NRXN3: variants seen among roughly 807,000 people sequenced by gnomAD.
NRXN3 encodes neurexin 3.
In NRXN3, 32 loss-of-function variants were observed where a neutral mutation model predicts 137.6. The ratio of observed to expected loss-of-function variants is 0.23; its 90% CI spans 0.18 to 0.31. NRXN3 has a LOEUF of 0.31. NRXN3 is among the 10% of genes least tolerant of loss of function. The pLI is 1.00. For missense variants in NRXN3, 1,574 were observed against 2,062.5 expected (o/e 0.76, Z 4.59); for synonymous variants, 798 against 784.5 (o/e 1.02, Z -0.29).
At chr14:78,646,450 T>C (rs950272304) in intron 5 of NRXN3, among the ~76,000 whole-genome samples, 4 of 152,204 alleles carry the variant, frequency 2.6e-5, no homozygotes, top group African/African-American at 9.7e-5. Flanking sequence ...TCTGAAGTGC[T>C]TATCAAAAAG....
chr14:78,391,837 T>C (rs888461827), intron 4 of NRXN3, among the ~76,000 whole-genome samples: 1 of 152,206 alleles, frequency 6.6e-6, no homozygotes, highest in Non-Finnish European at 1.5e-5. Flanking sequence ...CATAAAGAAC[T>C]ATTTTCACAA....
intron 1 of NRXN3, among the ~76,000 whole-genome samples, chr14:78,190,497 A>G (rs956445206): frequency 6.6e-6 from 1 of 152,346 alleles, no homozygotes; most frequent in African/African-American, 2.4e-5. Flanking sequence ...GAAGAACATT[A>G]TACAAATGAG....
chr14:78,573,462 C>T (rs762296022), intron 4 of NRXN3, among the ~76,000 whole-genome samples: 13 of 152,132 alleles, frequency 8.5e-5, no homozygotes, highest in Non-Finnish European at 1.5e-4. Flanking sequence ...CAATGAAGTC[C>T]TCAGATGGGG....
intron 15 of NRXN3, among the ~76,000 whole-genome samples, chr14:79,001,174 T>C (rs893353095): frequency 1.9e-4 from 29 of 152,166 alleles, no homozygotes; most frequent in African/African-American, 6.8e-4. Context: ...TAAGTTGCTT[T>C]GAAACCACTG....
intron 10 of NRXN3, among the ~76,000 whole-genome samples, chr14:78,874,416 A>G (rs1013743071): frequency 2.0e-5 from 3 of 152,194 alleles, no homozygotes; most frequent in African/African-American, 7.2e-5. Flanking sequence ...GGCTTCTGAG[A>G]TGCTAATCAG....
intron 15 of NRXN3, among the ~76,000 whole-genome samples, chr14:79,223,651 T>A (rs1316479413): frequency 6.6e-6 from 1 of 152,120 alleles, no homozygotes; most frequent in Non-Finnish European, 1.5e-5. Flanking sequence ...GTAATTGAGA[T>A]CATGGAAATA....
At chr14:78,611,792 G>T (rs1442528248) in intron 4 of NRXN3, among the ~76,000 whole-genome samples, 2 of 152,178 alleles carry the variant, frequency 1.3e-5, no homozygotes, top group East Asian at 3.8e-4. Context: ...TGAATAATCT[G>T]CAGGTGCAGA....
intron 6 of NRXN3, among the ~76,000 whole-genome samples, chr14:78,656,786 G>A (rs1428735711): frequency 6.6e-6 from 1 of 152,086 alleles, no homozygotes; most frequent in East Asian, 1.9e-4. Flanking sequence ...GCTTACGCCT[G>A]TAATCCCAGA....
intron 16 of NRXN3, among the ~76,000 whole-genome samples, chr14:79,537,982 T>G (rs1273469293): frequency 6.6e-6 from 1 of 152,224 alleles, no homozygotes; most frequent in Non-Finnish European, 1.5e-5. Context: ...ATGATTACCA[T>G]TCTAACTGGT....
intron 15 of NRXN3, among the ~76,000 whole-genome samples, chr14:79,399,954 T>C (rs1238761144): frequency 6.6e-6 from 1 of 152,144 alleles, no homozygotes; most frequent in Non-Finnish European, 1.5e-5. Flanking sequence ...CCAGTCCCTG[T>C]TTCTGTGGTT....
intron 15 of NRXN3, among the ~76,000 whole-genome samples, chr14:79,291,545 C>T (rs550147060): frequency 1.1e-3 from 173 of 150,666 alleles, no homozygotes; most frequent in Admixed American, 2.7e-3. Context: ...AAGAGGCAGA[C>T]TCGGAGGCAT....
chr14:78,769,529 A>T (rs1325561050), intron 8 of NRXN3, among the ~76,000 whole-genome samples: 3 of 152,214 alleles, frequency 2.0e-5, no homozygotes, highest in African/African-American at 7.2e-5. Context: ...TTCTCTAAGG[A>T]CATAGCACTG....
At chr14:78,233,546 G>A (rs2065749830) in intron 1 of NRXN3, among the ~76,000 whole-genome samples, 1 of 152,066 alleles carries the variant, frequency 6.6e-6, no homozygotes, top group African/African-American at 2.4e-5. Context: ...CCAGTAACAG[G>A]GAGCCTGCTT....
At chr14:78,680,182 G>T (rs1175101733) in intron 6 of NRXN3, among the ~76,000 whole-genome samples, 2 of 152,026 alleles carry the variant, frequency 1.3e-5, no homozygotes, top group African/African-American at 4.8e-5. Flanking sequence ...TAAATGATGA[G>T]AACACATGGA....
At position 79,061,082 on chromosome 14, in the gene NRXN3, C is replaced by T. The variant is rs2099673672; in HGVS notation, c.3262+72941C>T. 2.6e-5 allele frequency among the ~76,000 whole-genome samples: 4 copies of T among 152,166 alleles called. 1 individual carries two copies. In the South Asian group the frequency reaches 8.3e-4, roughly 32 times the overall value. On this transcript the variant is annotated intron_variant, in intron 15 of 20. Coordinates refer to ENST00000335750, the MANE Select transcript of NRXN3 (RefSeq NM_001330195.2). The stretch of plus-strand genomic sequence containing the variant: ...TAGAAGTGGCTCTCCTTTCAGAAGC[C>T]AGAAATTAATAAATGGTCTACAGTC...
At chr14:79,661,967 A>G (rs2153985242) in intron 16 of NRXN3, among the ~76,000 whole-genome samples, 1 of 152,236 alleles carries the variant, frequency 6.6e-6, no homozygotes, top group East Asian at 1.9e-4. Flanking sequence ...TAATTGGCTC[A>G]TGTGAGCAGT....
intron 4 of NRXN3, among the ~76,000 whole-genome samples, chr14:78,628,682 T>C (rs574846566): frequency 1.4e-4 from 22 of 152,276 alleles, no homozygotes; most frequent in African/African-American, 4.8e-4. Flanking sequence ...GGATATGTAA[T>C]CTGGTTATAT....
At chr14:79,460,070 C>CAA (rs1316912471) in intron 15 of NRXN3, among the ~76,000 whole-genome samples, 4 of 152,070 alleles carry the variant, frequency 2.6e-5, no homozygotes, top group African/African-American at 9.7e-5. Context: ...GACTTACTTA[C>CAA]AAAGGGTCAT....
chr14:79,261,703 C>T (rs1318540256), intron 15 of NRXN3, among the ~76,000 whole-genome samples: 2 of 150,354 alleles, frequency 1.3e-5, no homozygotes, highest in Admixed American at 1.3e-4. Flanking sequence ...TGTGAAAGAA[C>T]AATTTACCTT....
Sources: allele counts gnomAD v4.1 joint callset (sites outside exome capture counted in the v4.1 genomes callset), GRCh38; gene constraint gnomAD v4.1.1; transcripts MANE v1.5; gene names NCBI Gene and HGNC (gene_info 2026-07-23, HGNC 2026-07-21).